Variants in CD226 observed in about 807,000 individuals in gnomAD.
CD226 encodes the protein CD226 molecule, also known as CD226 antigen.
A neutral mutation model predicts 34.9 loss-of-function variants in CD226; 24 were observed. That is an observed-to-expected ratio of 0.69 (90% CI 0.50 to 0.97). The LOEUF (loss-of-function observed/expected upper bound fraction) is 0.97. CD226 is among the 50% of genes least tolerant of loss of function. The pLI is 0.00. For synonymous variants in CD226, 148 were observed against 147.4 expected, an observed-to-expected ratio of 1.00 and a Z score of -0.03; for missense variants, 397 against 412.7, an observed-to-expected ratio of 0.96 and a Z score of 0.33.
At chr18:69,941,880 G>A (rs2055729054) in intron 2 of CD226, among the ~76,000 whole-genome samples, 1 of 152,162 alleles carries the variant, frequency 6.6e-6, no homozygotes, top group Non-Finnish European at 1.5e-5. Context: ...ATCTCATCTT[G>A]TAGTTCCCAT....
rs1983668174 is a variant in CD226 at position 69,873,454 on chromosome 18, T to G, written c.728-208A>C. Among the ~76,000 whole-genome samples the G allele has an allele frequency of 3.3e-5, 5 of 152,106 alleles. No individual in the cohort carries two copies. In the South Asian group the frequency reaches 1.0e-3, roughly 31 times the overall value. ...TAACTCCTAATAGATTTTTATTTGT[T>G]TTTTGATTAAGCTGAGTTTTACACA... On this transcript the variant is annotated intron_variant, in intron 3 of 5. Transcript: ENST00000582621.
chr18:69,867,237 G>A, intron 5 of CD226, 120 bp downstream of exon 5: 2 of 647,216 alleles, frequency 3.1e-6, no homozygotes, highest in Admixed American at 2.4e-5. Flanking sequence ...TAAATTACAG[G>A]CAACTGCATG....
At chr18:69,907,337 G>T (rs1281014258) in intron 2 of CD226, among the ~76,000 whole-genome samples, 1 of 152,136 alleles carries the variant, frequency 6.6e-6, no homozygotes, top group Non-Finnish European at 1.5e-5. Context: ...TTGTTTTTCA[G>T]ATGGAGTCCC....
intron 2 of CD226, among the ~76,000 whole-genome samples, chr18:69,943,360 T>C (rs530454339): frequency 2.6e-5 from 4 of 152,206 alleles, no homozygotes; most frequent in Non-Finnish European, 5.9e-5. Context: ...TAGAAAGGGC[T>C]ATCTGGAAAA....
intron 3 of CD226, among the ~76,000 whole-genome samples, chr18:69,891,605 A>T (rs761742479): frequency 3.4e-4 from 51 of 152,224 alleles, no homozygotes; most frequent in Non-Finnish European, 5.9e-5. Context: ...GCCACAAAAA[A>T]ACCTGTTCAA....
At chr18:69,895,569 A>G in intron 3 of CD226, 132 bp downstream of exon 3, 1 of 694,700 alleles carries the variant, frequency 1.4e-6, no homozygotes, top group East Asian at 2.5e-5. Context: ...AACTCACCTA[A>G]ATTCAGCCAT....
At chr18:69,900,595 G>A (rs929562890) in intron 2 of CD226, among the ~76,000 whole-genome samples, 1 of 150,960 alleles carries the variant, frequency 6.6e-6, no homozygotes, top group African/African-American at 2.4e-5. Context: ...AGCCGGGCGC[G>A]GTGGCGGGCG....
chr18:69,928,318 A>G (rs2055548531), intron 2 of CD226, among the ~76,000 whole-genome samples: 1 of 152,092 alleles, frequency 6.6e-6, no homozygotes, highest in Admixed American at 6.6e-5. Flanking sequence ...TGTTTTATTG[A>G]GCATGTCTCC....
At chr18:69,914,991 GA>G (rs1447767939) in intron 2 of CD226, among the ~76,000 whole-genome samples, 1 of 152,092 alleles carries the variant, frequency 6.6e-6, no homozygotes, top group East Asian at 1.9e-4. Flanking sequence ...GTTCATTTTG[GA>G]AACAGTATCG....
intron 1 of CD226, 33 bp downstream of exon 1, chr18:69,947,328 A>G: frequency 7.0e-7 from 1 of 1,425,334 alleles, no homozygotes; most frequent in Non-Finnish European, 9.7e-7. Flanking sequence ...CAGGAGCAAA[A>G]CTTTTAAATG....
rs1459427434 is a variant in CD226 at position 69,858,118 on chromosome 18, C to T, written c.*6196G>A. 2 of 152,104 alleles carry T rather than the reference C, an allele frequency of 1.3e-5. No homozygotes were observed. The highest frequency in any genetic ancestry group is 2.4e-5 in the African/African-American group (1 of 41,410). 9.4% of individuals were successfully genotyped at this position (152,104 alleles called of 1,614,324 possible). On this transcript the variant is annotated 3_prime_UTR_variant, in exon 6 of 6. Transcript: ENST00000582621. ...AGTGTTACTAAAAATGAACTATCGGCCATTATTGCAAAACTGCCAACTGAG... is the reference window on the plus strand; with the variant it reads ...AGTGTTACTAAAAATGAACTATCGGTCATTATTGCAAAACTGCCAACTGAG...
At position 69,861,264 on chromosome 18, in the gene CD226, T is replaced by G. The variant is rs757744406; in HGVS notation, c.*3050A>C. On this transcript the variant is annotated 3_prime_UTR_variant, in exon 6 of 6. Coordinates refer to ENST00000582621, the MANE Select transcript of CD226 (RefSeq NM_001303618.2). ...CTCCCATTTTAAGCATGATTACAAGTAAATGAAATTTCTATTTTATTTTCT... is the reference window on the plus strand; with the variant it reads ...CTCCCATTTTAAGCATGATTACAAGGAAATGAAATTTCTATTTTATTTTCT... The G allele has an allele frequency of 1.1e-4, 17 of 151,640 alleles. No individual in the cohort carries two copies. The highest frequency in any genetic ancestry group is 1.5e-4 in the Non-Finnish European group (10 of 67,804). 9.4% of individuals were successfully genotyped at this position (151,640 alleles called of 1,614,324 possible).
chr18:69,948,244 C>T (rs2055816360), upstream of CD226, among the ~76,000 whole-genome samples: 1 of 152,148 alleles, frequency 6.6e-6, no homozygotes, highest in Admixed American at 6.5e-5. Flanking sequence ...TCTTCTTTCT[C>T]TTATAAAATA....
Position 69,946,945 on chromosome 18 carries a change from C to G in CD226, c.171G>C (p.Gln57His). Residue 57 changes from glutamine (Q) to histidine (H), a missense_variant, in exon 2 of 6, where the codon CAG becomes CAC. By Grantham distance (24) the Gln-to-His change is conservative. Coordinates refer to ENST00000582621, the MANE Select transcript of CD226 (RefSeq NM_001303618.2). ...QVEWFKIGTQQDSIAIFSPTH... is the reference protein window; with the variant it reads ...QVEWFKIGTQHDSIAIFSPTH... ...TAGGGCTGAAAATGGCTATGGAATCCTGCTGGGTCCCGATCTTGAACCACT... is the reference window on the plus strand; with the variant it reads ...TAGGGCTGAAAATGGCTATGGAATCGTGCTGGGTCCCGATCTTGAACCACT... 2 of 1,614,156 alleles carry G rather than the reference C, an allele frequency of 1.2e-6. No homozygotes were observed. Among genetic ancestry groups the G allele is most frequent in the Non-Finnish European group, 1.7e-6 (2 of 1,180,022 alleles).
chr18:69,858,454 A>G lies in CD226; in HGVS notation c.*5860T>C, dbSNP rs1288733650. On this transcript the variant is annotated 3_prime_UTR_variant, in exon 6 of 6. Coordinates refer to ENST00000582621, the MANE Select transcript of CD226 (RefSeq NM_001303618.2). Reference sequence around the variant, plus strand: ...AGATACAAGCTGCTGCCTTCCAGATATATTTAAGAGACACTGATTTTGGAA... The same window carrying G: ...AGATACAAGCTGCTGCCTTCCAGATGTATTTAAGAGACACTGATTTTGGAA... The G allele has an allele frequency of 1.3e-5, 2 of 152,184 alleles. No homozygotes were observed. The highest frequency in any genetic ancestry group is 2.9e-5 in the Non-Finnish European group (2 of 68,056). The allele number at this position is 152,184 out of a possible 1,614,324, so 9.4% of individuals were successfully genotyped here.
rs1010620144 is a variant in CD226, at chr18:69,857,106, T to C, written c.*7208A>G. 8.5e-5 allele frequency: 13 copies of C among 152,432 alleles called. No homozygotes were observed. The highest frequency in any genetic ancestry group is 3.1e-4 in the African/African-American group (13 of 41,570). The allele number at this position is 152,432 out of a possible 1,614,324, so 9.4% of individuals were successfully genotyped here. ...ATGGCGTGAACCTGGAAGACGCAGC[T>C]TGCGGTGAGCCGAGGTCGCACCACT... On this transcript the variant is annotated 3_prime_UTR_variant, in exon 6 of 6. Coordinates refer to ENST00000582621, the MANE Select transcript of CD226 (RefSeq NM_001303618.2).
chr18:69,960,883 T>A (rs1159977293), upstream of CD226, among the ~76,000 whole-genome samples: 2 of 152,222 alleles, frequency 1.3e-5, no homozygotes, highest in African/African-American at 4.8e-5. Context: ...AAATCTCAAT[T>A]CAATTTTGAA....
Position 69,900,700 on chromosome 18 carries a change from CCGCAG to C in CD226, c.383-4660_383-4656del, listed in dbSNP as rs1375654308. On this transcript the variant is annotated intron_variant, in intron 2 of 5. Transcript: ENST00000582621. ...TGAGCCGAGATTGCGCCACTGCAGT[CCGCAG>C]TCCGGCCTGGGCGACAGAGCGAGAC... 9.5e-5 allele frequency among the ~76,000 whole-genome samples: 14 copies of C among 147,240 alleles called. 1 individual carries two copies. Among genetic ancestry groups the C allele is most frequent in the South Asian group, 2.2e-4 (1 of 4,622 alleles).
At chr18:69,952,561 A>C (rs2055863422), upstream of CD226, among the ~76,000 whole-genome samples, 1 of 152,230 alleles carries the variant, frequency 6.6e-6, no homozygotes, top group South Asian at 2.1e-4. Flanking sequence ...ATGCAAAAGC[A>C]TGAAATTGGA....
Sources: allele counts gnomAD v4.1 joint callset (sites outside exome capture counted in the v4.1 genomes callset), GRCh38; gene constraint gnomAD v4.1.1; transcripts MANE v1.5; gene names NCBI Gene and HGNC (gene_info 2026-07-23, HGNC 2026-07-21).